The following FBXL17 variants were observed in gnomAD, a reference collection of about 807,000 sequenced individuals.
The protein encoded by FBXL17 is F-box and leucine rich repeat protein 17.
In FBXL17, 22 loss-of-function variants were observed where a neutral mutation model predicts 66.2. The ratio of observed to expected loss-of-function variants is 0.33; its 90% CI spans 0.24 to 0.47. The LOEUF (loss-of-function observed/expected upper bound fraction) is 0.47. Among genes scored for constraint, FBXL17 ranks in the 20% least tolerant of loss-of-function variants. The pLI is 1.00. For synonymous variants in FBXL17, 474 were observed against 400.5 expected (o/e 1.18, Z -2.19); for missense variants, 878 against 948.2 (o/e 0.93, Z 0.97).
intron 7 of FBXL17, among the ~76,000 whole-genome samples, chr5:107,976,536 A>C (rs900205001): frequency 6.6e-6 from 1 of 152,214 alleles, no homozygotes; most frequent in Non-Finnish European, 1.5e-5. Flanking sequence ...AGAAACCTGA[A>C]GGCAGGAATT....
At chr5:108,351,105 TAA>T (rs1747622294) in intron 3 of FBXL17, among the ~76,000 whole-genome samples, 1 of 152,156 alleles carries the variant, frequency 6.6e-6, no homozygotes, top group Non-Finnish European at 1.5e-5. Flanking sequence ...TCATTAGTGT[TAA>T]GAGTATAAAA....
chr5:108,029,941 AT>A (rs1754971342), intron 6 of FBXL17, among the ~76,000 whole-genome samples: 1 of 151,920 alleles, frequency 6.6e-6, no homozygotes. Context: ...TAAAAAGTCC[AT>A]TTGTCTGTAA....
intron 4 of FBXL17, among the ~76,000 whole-genome samples, chr5:108,240,578 C>G (rs1363360531): frequency 6.6e-6 from 1 of 152,164 alleles, no homozygotes; most frequent in Non-Finnish European, 1.5e-5. Context: ...GTTTCTGATT[C>G]CAGTCCCTAG....
At chr5:108,284,403 A>T (rs1462566572) in intron 4 of FBXL17, among the ~76,000 whole-genome samples, 1 of 151,984 alleles carries the variant, frequency 6.6e-6, no homozygotes, top group African/African-American at 2.4e-5. Context: ...TTGCAGCAAC[A>T]TGGATGGAAC....
chr5:108,060,901 C>T (rs760754758), intron 6 of FBXL17, among the ~76,000 whole-genome samples: 16 of 152,124 alleles, frequency 1.1e-4, no homozygotes, highest in Admixed American at 9.2e-4. Context: ...CCCTGGGGCC[C>T]TTCCCCACAG....
At chr5:108,079,592 C>A (rs937115065) in intron 6 of FBXL17, among the ~76,000 whole-genome samples, 7 of 152,020 alleles carry the variant, frequency 4.6e-5, no homozygotes, top group Non-Finnish European at 8.8e-5. Context: ...AAATAAAATA[C>A]CTTCAAACTA....
chr5:108,015,401 C>T (rs536051905), intron 7 of FBXL17, among the ~76,000 whole-genome samples: 22 of 152,192 alleles, frequency 1.4e-4, no homozygotes, highest in Non-Finnish European at 2.4e-4. Context: ...CACCTTACAA[C>T]TATTAGAGTT....
At chr5:107,996,668 A>G (rs1246882074) in intron 7 of FBXL17, among the ~76,000 whole-genome samples, 1 of 152,214 alleles carries the variant, frequency 6.6e-6, no homozygotes, top group Non-Finnish European at 1.5e-5. Flanking sequence ...AAAACTCTCA[A>G]AGAATAAAAT....
intron 4 of FBXL17, among the ~76,000 whole-genome samples, chr5:108,273,544 A>G (rs1437398722): frequency 6.6e-6 from 1 of 151,880 alleles, no homozygotes; most frequent in Non-Finnish European, 1.5e-5. Context: ...TACCATAAAA[A>G]TTCTTTTTAT....
intron 4 of FBXL17, among the ~76,000 whole-genome samples, chr5:108,293,451 T>C (rs899495051): frequency 6.6e-6 from 1 of 152,202 alleles, no homozygotes; most frequent in African/African-American, 2.4e-5. Context: ...GGAATACTTC[T>C]GTTTCCTCTA....
intron 6 of FBXL17, among the ~76,000 whole-genome samples, chr5:108,072,531 G>A (rs1206116368): frequency 5.3e-5 from 8 of 152,082 alleles, no homozygotes; most frequent in South Asian, 2.1e-4. Context: ...GTGAAACCCC[G>A]TCTCTACTAA....
chr5:108,160,014 T>TA (rs1259564892), intron 6 of FBXL17, among the ~76,000 whole-genome samples: 2 of 56,902 alleles, frequency 3.5e-5, no homozygotes, highest in African/African-American at 3.1e-4. Context: ...GATATCCCTG[T>TA]CAAAAAAAAT....
intron 4 of FBXL17, among the ~76,000 whole-genome samples, chr5:108,229,161 C>T (rs548418176): frequency 6.6e-6 from 1 of 152,094 alleles, no homozygotes; most frequent in East Asian, 1.9e-4. Flanking sequence ...CATTTAATTC[C>T]CATTAAAATA....
At chr5:108,105,382 G>A (rs1749757899) in intron 6 of FBXL17, among the ~76,000 whole-genome samples, 1 of 152,192 alleles carries the variant, frequency 6.6e-6, no homozygotes, top group Admixed American at 6.5e-5. Context: ...TTCAAAAGGT[G>A]ATTCAGGCAA....
rs1028609237 is a variant in FBXL17 at position 108,299,805 on chromosome 5, A to G, written c.1506+48594T>C. The G allele has an allele frequency of 7.1e-6, 7 of 985,036 alleles. No homozygotes were observed. The African/African-American group carries it at 1.2e-4, about 17-fold the overall frequency. The allele number at this position is 985,036 out of a possible 1,614,324, so 61.0% of individuals were successfully genotyped here. On this transcript the variant is annotated intron_variant, in intron 4 of 8. Transcript: ENST00000542267. The stretch of plus-strand genomic sequence containing the variant: ...CTCCAGAAGGAACTAAATAGCGTGG[A>G]CACAATAACACGACAAAATGTCAGT...
At chr5:108,044,839 T>C (rs1747188729) in intron 6 of FBXL17, among the ~76,000 whole-genome samples, 3 of 152,198 alleles carry the variant, frequency 2.0e-5, no homozygotes. Context: ...CTGCTAAACT[T>C]AGCTGTTTTG....
At chr5:108,015,119 G>A (rs891386031) in intron 7 of FBXL17, among the ~76,000 whole-genome samples, 2 of 152,050 alleles carry the variant, frequency 1.3e-5, no homozygotes, top group South Asian at 2.1e-4. Flanking sequence ...CATAACACCT[G>A]CTAAATGTAA....
intron 4 of FBXL17, chr5:108,299,757 C>T (rs1177928007): frequency 1.2e-5 from 12 of 984,716 alleles, no homozygotes; most frequent in Admixed American, 6.2e-5. Flanking sequence ...CTGATTGAAG[C>T]AGTGCATGTG....
chr5:108,118,327 G>C (rs1310897088), intron 6 of FBXL17, among the ~76,000 whole-genome samples: 2 of 152,114 alleles, frequency 1.3e-5, no homozygotes, highest in Admixed American at 1.3e-4. Context: ...GTTCAAAACT[G>C]AGTCCATTCT....
Sources: gnomAD v4.1 joint callset for allele counts (sites outside exome capture counted in the v4.1 genomes callset) on GRCh38, gnomAD v4.1.1 for gene constraint, MANE v1.5 for transcripts, NCBI Gene and HGNC (gene_info 2026-07-23, HGNC 2026-07-21) for gene names.